PRSS38: variants seen among roughly 807,000 people sequenced by gnomAD.
The protein encoded by PRSS38 is serine protease 38.
A neutral mutation model predicts 26.8 loss-of-function variants in PRSS38; 22 were observed. The ratio of observed to expected loss-of-function variants is 0.82; its 90% CI spans 0.59 to 1.17. The LOEUF (loss-of-function observed/expected upper bound fraction) is 1.17, where lower values mean the gene tolerates loss of function less well. PRSS38 is among the 50% of genes most tolerant of loss of function. The pLI is 0.00. For synonymous variants in PRSS38, 175 were observed against 172.1 expected (o/e 1.02, Z -0.13); for missense variants, 427 against 422.7 (o/e 1.01, Z -0.09).
In PRSS38 at chr1:227,833,357, A is replaced by G. The variant is rs1266928390; in HGVS notation, c.584-12113A>G. On this transcript the variant is annotated intron_variant, in intron 3 of 4. Transcript: ENST00000366757. ...AGCCTGGCCAACATGGTGAAACCCCATCTCTACTAAAAATACAAAATTAGC... is the reference window on the plus strand; with the variant it reads ...AGCCTGGCCAACATGGTGAAACCCCGTCTCTACTAAAAATACAAAATTAGC... Among the ~76,000 whole-genome samples, 3 of 152,052 alleles carry G rather than the reference A, an allele frequency of 2.0e-5. No individual in the cohort carries two copies. In the East Asian group the frequency reaches 5.8e-4, roughly 29 times the overall value.
At chr1:227,830,542 C>T (rs1346269718) in intron 3 of PRSS38, among the ~76,000 whole-genome samples, 1 of 127,196 alleles carries the variant, frequency 7.9e-6, no homozygotes, top group African/African-American at 3.0e-5. Context: ...TTGCTCTTGT[C>T]ACTCAGGCAA....
intron 3 of PRSS38, among the ~76,000 whole-genome samples, chr1:227,827,281 G>C (rs2102677471): frequency 6.6e-6 from 1 of 152,210 alleles, no homozygotes; most frequent in East Asian, 1.9e-4. Context: ...TGTACCTCTG[G>C]TAGAATTCAA....
chr1:227,826,834 C>T (rs1354570273), intron 3 of PRSS38, among the ~76,000 whole-genome samples: 1 of 152,084 alleles, frequency 6.6e-6, no homozygotes, highest in Non-Finnish European at 1.5e-5. Context: ...TCATATATGG[C>T]TCTTATTTTG....
chr1:227,818,330 G>A (rs4568830), intron 3 of PRSS38, among the ~76,000 whole-genome samples: 1,622 of 152,068 alleles, frequency 0.011, 35 homozygotes, highest in African/African-American at 0.036. Flanking sequence ...AAATGTTTGC[G>A]GCAACTCTTG....
chr1:227,845,428 C>T lies in PRSS38; in HGVS notation c.584-42C>T, dbSNP rs371339863. 61 of 1,539,302 alleles carry T rather than the reference C, an allele frequency of 4.0e-5. No individual in the cohort carries two copies. The African/African-American group carries it at 5.8e-4, about 15-fold the overall frequency. ...GGGGCAGGGATCCCCCCACCCCACA[C>T]GAAGCAGGTGCTGCCCCCTCACGGG... On this transcript the variant is annotated intron_variant, in intron 3 of 4. Coordinates refer to ENST00000366757, the Ensembl canonical transcript of PRSS38.
At chr1:227,815,675 G>A (rs770968923), upstream of PRSS38, 5 of 1,535,338 alleles carry the variant, frequency 3.3e-6, no homozygotes, top group Middle Eastern at 2.4e-4. Context: ...ACAGTCACAT[G>A]TCGGGAGCTA....
At chr1:227,840,452 C>T (rs1665321293) in intron 3 of PRSS38, among the ~76,000 whole-genome samples, 1 of 152,000 alleles carries the variant, frequency 6.6e-6, no homozygotes, top group Non-Finnish European at 1.5e-5. Flanking sequence ...CGGAAAAGAA[C>T]CCAAAAGAGG....
At chr1:227,829,938 T>G (rs1163724319) in intron 3 of PRSS38, among the ~76,000 whole-genome samples, 5 of 151,898 alleles carry the variant, frequency 3.3e-5, no homozygotes, top group Non-Finnish European at 7.4e-5. Flanking sequence ...AGCTGTGGGG[T>G]TTTTTTGTAG....
At position 227,816,045 on chromosome 1, in the gene PRSS38, C is replaced by T. The variant is rs59917153; in HGVS notation, c.149-45C>T. The T allele has an allele frequency of 0.039, 62,376 of 1,586,062 alleles. 3,153 individuals carry two copies. Among genetic ancestry groups the T allele is most frequent in the East Asian group, 0.24 (10,474 of 44,318 alleles). ...CGTCCCCTGCCTGCCCTACCTCTCC[C>T]GTGGCCCCAGCATGGCTCCACCGTC... On this transcript the variant is annotated intron_variant, in intron 1 of 4. Coordinates refer to ENST00000366757, the Ensembl canonical transcript of PRSS38. This position sits in a 1 kb window ranked among gnomAD's most constrained non-coding sequence, Gnocchi z 5.1.
Position 227,815,872 on chromosome 1 carries a change from C to T in PRSS38, c.148+8C>T. 6.3e-7 allele frequency: 1 copy of T among 1,596,112 alleles called. No homozygotes were observed. The highest frequency in any genetic ancestry group is 8.6e-7 in the Non-Finnish European group (1 of 1,167,458). ...CCCTAACTGGCAGCGTGGGTAGGCC[C>T]TGCCCCAGGGGCGGATGGGCGGCTG... On this transcript the variant is annotated splice_region_variant and intron_variant, in intron 1 of 4. Coordinates refer to ENST00000366757, the Ensembl canonical transcript of PRSS38.
intron 3 of PRSS38, among the ~76,000 whole-genome samples, chr1:227,841,759 C>T (rs1182007384): frequency 6.6e-6 from 1 of 152,220 alleles, no homozygotes; most frequent in African/African-American, 2.4e-5. Flanking sequence ...CAATCTCCAG[C>T]TCCATCTCAC....
chr1:227,835,317 G>A (rs80055872), intron 3 of PRSS38, among the ~76,000 whole-genome samples: 3,972 of 152,184 alleles, frequency 0.026, 91 homozygotes, highest in African/African-American at 0.064. Context: ...CTTTAATCCC[G>A]GCACTTCGGG....
intron 3 of PRSS38, among the ~76,000 whole-genome samples, chr1:227,822,019 T>C (rs1489617738): frequency 1.3e-5 from 2 of 152,150 alleles, no homozygotes; most frequent in Admixed American, 1.3e-4. Context: ...TTACTTTCCT[T>C]CCTCTTTTTT....
exon 5 of PRSS38, chr1:227,846,464 A>C (rs369216303): frequency 1.8e-6 from 1 of 541,802 alleles, no homozygotes; most frequent in Non-Finnish European, 3.3e-6. Context: ...AAATATTTAC[A>C]AAGCAAGCCT....
At chr1:227,843,744 G>A (rs1233645810) in intron 3 of PRSS38, among the ~76,000 whole-genome samples, 2 of 150,854 alleles carry the variant, frequency 1.3e-5, no homozygotes, top group Non-Finnish European at 3.0e-5. Flanking sequence ...AACCAACCAA[G>A]CACAGTGGCT....
intron 3 of PRSS38, among the ~76,000 whole-genome samples, chr1:227,837,100 C>T (rs773536385): frequency 2.2e-4 from 33 of 152,182 alleles, no homozygotes; most frequent in Non-Finnish European, 4.3e-4. Flanking sequence ...AAATGATCCT[C>T]CTGCCTCAGC....
At chr1:227,846,143 T>C in exon 5 of PRSS38, 2 of 1,613,894 alleles carry the variant, frequency 1.2e-6, no homozygotes, top group East Asian at 2.2e-5. Flanking sequence ...CCCTGCTCTC[T>C]CTCCAGCTCT....
At position 227,829,707 on chromosome 1, in the gene PRSS38, T is replaced by G. The variant is rs151037200; in HGVS notation, c.583+12227T>G. Reference sequence around the variant, plus strand: ...TCATTCTGAGAAATGTAGTTTAAATTCTTTGTAATTCACTGTGAGTTTTTT... The same window carrying G: ...TCATTCTGAGAAATGTAGTTTAAATGCTTTGTAATTCACTGTGAGTTTTTT... On this transcript the variant is annotated intron_variant, in intron 3 of 4. Coordinates refer to ENST00000366757, the Ensembl canonical transcript of PRSS38. 9.5e-4 allele frequency among the ~76,000 whole-genome samples: 145 copies of G among 152,326 alleles called. 1 individual carries two copies. The Middle Eastern group carries it at 0.017, about 18-fold the overall frequency.
exon 1 of PRSS38, chr1:227,815,807 G>A (rs41315595): frequency 0.032 from 50,804 of 1,611,892 alleles, 897 homozygotes; most frequent in Non-Finnish European, 0.038. Flanking sequence ...TCCCCGGGTC[G>A]CAGCATTGGT....
Sources: gnomAD v4.1 joint callset for allele counts (sites outside exome capture counted in the v4.1 genomes callset) on GRCh38, gnomAD v4.1.1 for gene constraint, Gnocchi (gnomAD v3.1) non-coding constraint, MANE v1.5 for transcripts, NCBI Gene and HGNC (gene_info 2026-07-23, HGNC 2026-07-21) for gene names.